TMEM164: variants seen among roughly 807,000 people sequenced by gnomAD.
The protein encoded by TMEM164 is RP13-360B22.2.
A neutral mutation model predicts 18.8 loss-of-function variants in TMEM164; 4 were observed. The ratio of observed to expected loss-of-function variants is 0.21; its 90% CI spans 0.10 to 0.49. The LOEUF (loss-of-function observed/expected upper bound fraction) is 0.49, where lower values mean the gene tolerates loss of function less well. Among genes scored for constraint, TMEM164 ranks in the 20% least tolerant of loss-of-function variants. TMEM164 has a pLI of 0.98. For missense variants in TMEM164, 108 were observed against 239.9 expected, an observed-to-expected ratio of 0.45 and a Z score of 3.63; for synonymous variants, 86 against 101.7, an observed-to-expected ratio of 0.85 and a Z score of 0.93.
intron 4 of TMEM164, among the ~76,000 whole-genome samples, chrX:110,120,378 G>A (rs746964195): frequency 1.8e-5 from 2 of 112,381 alleles, no homozygotes; most frequent in Non-Finnish European, 3.7e-5. Flanking sequence ...CCACTCCTTA[G>A]TCTGTGGATC....
At chrX:110,005,807 G>A (rs773813011) in intron 2 of TMEM164, among the ~76,000 whole-genome samples, 6 of 111,694 alleles carry the variant, frequency 5.4e-5, no homozygotes, top group African/African-American at 1.3e-4. Flanking sequence ...TGAGGCTGTC[G>A]GGACAGGAGT....
At chrX:110,180,916 T>TACTC (rs1464524312), downstream of TMEM164, among the ~76,000 whole-genome samples, 1 of 112,026 alleles carries the variant, frequency 8.9e-6, no homozygotes, top group Non-Finnish European at 1.9e-5. Flanking sequence ...CCCTTCTCTA[T>TACTC]ACTCAGGAGG....
chrX:110,017,487 C>T (rs1331046500), intron 2 of TMEM164, among the ~76,000 whole-genome samples: 39 of 4,283 alleles, frequency 9.1e-3, no homozygotes, highest in Admixed American at 0.011. Context: ...TCCCTCCCTC[C>T]CTCCCTCCCT....
Position 110,167,815 on chromosome X carries a change from T to C in TMEM164, c.587-3605T>C, listed in dbSNP as rs61138628. ...CTCTCAGAGAACTAACAGTCTGGTA[T>C]GGGATGGATGATGCAGCACAGAATG... On this transcript the variant is annotated intron_variant, in intron 5 of 6. Transcript: ENST00000372068. Among the ~76,000 whole-genome samples the C allele has an allele frequency of 1.7e-3, 190 of 111,514 alleles. 1 individual carries two copies. Among genetic ancestry groups the C allele is most frequent in the African/African-American group, 5.9e-3 (182 of 30,614 alleles).
intron 3 of TMEM164, among the ~76,000 whole-genome samples, chrX:110,083,742 A>G (rs770497937): frequency 9.0e-6 from 1 of 111,612 alleles, no homozygotes; most frequent in Non-Finnish European, 1.9e-5. Context: ...TGTATCTCAT[A>G]TATTTCTCAT....
intron 2 of TMEM164, among the ~76,000 whole-genome samples, chrX:110,063,425 G>A (rs975589649): frequency 8.9e-6 from 1 of 111,806 alleles, no homozygotes; most frequent in Non-Finnish European, 1.9e-5. Flanking sequence ...AGTGAACTTG[G>A]GGCTGATATG....
chrX:110,084,747 G>C (rs775079146), intron 3 of TMEM164, among the ~76,000 whole-genome samples: 1 of 109,365 alleles, frequency 9.1e-6, no homozygotes, highest in South Asian at 3.8e-4. Context: ...TTATATTATA[G>C]ATTTCCTAAT....
rs1224340934 is a variant in TMEM164, at chrX:110,076,872, C to G, written c.440+9476C>G. Among the ~76,000 whole-genome samples, 3 of 111,777 alleles carry G rather than the reference C, an allele frequency of 2.7e-5. 1 individual carries two copies. The highest frequency in any genetic ancestry group is 1.9e-4 in the Admixed American group (2 of 10,513). On this transcript the variant is annotated intron_variant, in intron 3 of 6. Coordinates refer to ENST00000372068, the MANE Select transcript of TMEM164 (RefSeq NM_032227.4). The stretch of plus-strand genomic sequence containing the variant: ...ATTTATTGAGACTTAACTTTATGGC[C>G]AAACATATGTTTGATCTTAGAGTAT...
chrX:110,034,663 G>A (rs189467528), intron 2 of TMEM164, among the ~76,000 whole-genome samples: 445 of 110,097 alleles, frequency 4.0e-3, no homozygotes, highest in African/African-American at 0.013. Context: ...TCAGTGTGGC[G>A]ATTCCTCAGG....
chrX:110,045,814 G>C (rs991829923), intron 2 of TMEM164, among the ~76,000 whole-genome samples: 27 of 111,930 alleles, frequency 2.4e-4, no homozygotes, highest in African/African-American at 8.5e-4. Context: ...TGAGCAAACA[G>C]AGGGACCTTG....
chrX:110,112,033 A>C (rs753263693), intron 4 of TMEM164, among the ~76,000 whole-genome samples: 11 of 110,477 alleles, frequency 1.0e-4, no homozygotes, highest in African/African-American at 3.3e-4. Context: ...CACAGTGAGA[A>C]CTCATTTCTA....
intron 4 of TMEM164, among the ~76,000 whole-genome samples, chrX:110,136,210 G>T (rs913842980): frequency 1.8e-5 from 2 of 111,273 alleles, no homozygotes; most frequent in Non-Finnish European, 3.8e-5. Flanking sequence ...ATTTTTAATG[G>T]CAATGTGGTA....
intron 2 of TMEM164, among the ~76,000 whole-genome samples, chrX:110,012,177 A>G (rs1230183072): frequency 8.9e-6 from 1 of 111,988 alleles, no homozygotes; most frequent in African/African-American, 3.3e-5. Flanking sequence ...TGGCTTGTGG[A>G]TGGTTGCTGC....
intron 3 of TMEM164, among the ~76,000 whole-genome samples, chrX:110,106,920 G>A (rs1399500874): frequency 8.9e-6 from 1 of 112,330 alleles, no homozygotes; most frequent in East Asian, 2.8e-4. Flanking sequence ...AAAAAGGATT[G>A]TGGTAACCTG....
chrX:110,127,011 A>G (rs772849119), intron 4 of TMEM164, among the ~76,000 whole-genome samples: 2 of 111,094 alleles, frequency 1.8e-5, no homozygotes, highest in South Asian at 3.9e-4. Context: ...TGCACTGTAC[A>G]TAACTGTGTC....
At chrX:110,144,932 G>T in intron 5 of TMEM164, 56 bp downstream of exon 5, 1 of 963,382 alleles carries the variant, frequency 1.0e-6, no homozygotes, top group Non-Finnish European at 1.5e-6. Context: ...TCTCCCTTCT[G>T]TTTTTGGGAG....
intron 3 of TMEM164, among the ~76,000 whole-genome samples, chrX:110,075,492 A>G (rs894890285): frequency 1.8e-5 from 2 of 111,059 alleles, no homozygotes; most frequent in Admixed American, 1.9e-4. Flanking sequence ...TTCCAGTACT[A>G]TGTTGAATAG....
In TMEM164 at chrX:110,071,316, A is replaced by G. The variant is rs538821820; in HGVS notation, c.440+3920A>G. 4.5e-5 allele frequency among the ~76,000 whole-genome samples: 5 copies of G among 110,264 alleles called. No individual in the cohort carries two copies. The South Asian group carries it at 1.9e-3, about 41-fold the overall frequency. On this transcript the variant is annotated intron_variant, in intron 3 of 6. Coordinates refer to ENST00000372068, the MANE Select transcript of TMEM164 (RefSeq NM_032227.4). ...CTGTGCCCAGCCAAGATTTTTTAAA[A>G]GAAGGAATGGTAGCTGTATTTTATC...
At chrX:110,023,041 G>A (rs1413979686) in intron 2 of TMEM164, among the ~76,000 whole-genome samples, 1 of 112,186 alleles carries the variant, frequency 8.9e-6, no homozygotes, top group East Asian at 2.8e-4. Flanking sequence ...TGAAGGACAG[G>A]TGAACCTAAT....
Sources: allele counts gnomAD v4.1 joint callset (sites outside exome capture counted in the v4.1 genomes callset), GRCh38; gene constraint gnomAD v4.1.1; transcripts MANE v1.5; gene names NCBI Gene and HGNC (gene_info 2026-07-23, HGNC 2026-07-21).